The following DOCK4 variants were observed in gnomAD, a reference collection of about 807,000 sequenced individuals.
The protein encoded by DOCK4 is dedicator of cytokinesis protein 4.
Under a neutral mutation model 268.1 loss-of-function variants are expected in DOCK4, and 97 were observed. The observed-to-expected ratio is 0.36, with a 90% CI of 0.31 to 0.43. DOCK4 has a LOEUF of 0.43. DOCK4 is among the 20% of genes least tolerant of loss of function. The pLI, the probability that DOCK4 is intolerant of heterozygous loss-of-function variation, is 1.00. For missense variants in DOCK4, 2,145 were observed against 2,455.7 expected (o/e 0.87, Z 2.67); for synonymous variants, 954 against 887.2 (o/e 1.08, Z -1.34).
At position 112,038,347 on chromosome 7, in the gene DOCK4, T is replaced by C. The variant is rs566396073; in HGVS notation, c.38-34216A>G. On this transcript the variant is annotated intron_variant, in intron 1 of 52. Coordinates refer to ENST00000428084, the MANE Select transcript of DOCK4 (RefSeq NM_001363540.2). ...ATAAATGTGCACAGAGGAAAAAATA[T>C]GGAGTTGAGGTCAAAGTGCTTTTGA... Among the ~76,000 whole-genome samples, 4 of 152,348 alleles carry C rather than the reference T, an allele frequency of 2.6e-5. No individual in the cohort carries two copies. The South Asian group carries it at 8.3e-4, about 32-fold the overall frequency.
chr7:112,132,736 G>A (rs1158426295), intron 1 of DOCK4, among the ~76,000 whole-genome samples: 1 of 152,160 alleles, frequency 6.6e-6, no homozygotes, highest in Non-Finnish European at 1.5e-5. Context: ...GAGGGAACAT[G>A]GGACACATGC....
At chr7:111,915,673 G>T in intron 13 of DOCK4, 106 bp downstream of exon 13, 1 of 1,132,658 alleles carries the variant, frequency 8.8e-7, no homozygotes, top group Non-Finnish European at 1.2e-6. Flanking sequence ...TCTTCAGCAT[G>T]GCCCATGTGA....
chr7:111,739,019 G>T, intron 49 of DOCK4, 115 bp downstream of exon 49: 4 of 768,056 alleles, frequency 5.2e-6, no homozygotes, highest in Non-Finnish European at 8.8e-6. Context: ...CAGCTGGATT[G>T]GTCTGACACT....
rs931813159 is a variant in DOCK4, at chr7:111,951,867, C to CA, written c.702-6070dup. 1.6e-4 allele frequency among the ~76,000 whole-genome samples: 24 copies of CA among 150,376 alleles called. 1 individual carries two copies. The highest frequency in any genetic ancestry group is 5.9e-5 in the Non-Finnish European group (4 of 67,610). Reference sequence around the variant, plus strand: ...GTACTCCAGGGGTAAGACCTTGTCTCAAAAAAAAGAAAGAAATGGACAAAG... The same window carrying CA: ...GTACTCCAGGGGTAAGACCTTGTCTCAAAAAAAAAGAAAGAAATGGACAAAG... On this transcript the variant is annotated intron_variant, in intron 8 of 52. Coordinates refer to ENST00000428084, the MANE Select transcript of DOCK4 (RefSeq NM_001363540.2).
At chr7:111,995,097 T>C (rs1338128504) in intron 4 of DOCK4, among the ~76,000 whole-genome samples, 9 of 151,592 alleles carry the variant, frequency 5.9e-5, no homozygotes, top group African/African-American at 2.2e-4. Flanking sequence ...AGTGGCGCGA[T>C]CTCGGCTCAC....
chr7:112,053,869 T>C (rs956459983), intron 1 of DOCK4, among the ~76,000 whole-genome samples: 20 of 152,164 alleles, frequency 1.3e-4, no homozygotes, highest in Non-Finnish European at 2.6e-4. Context: ...CAAATGAAGA[T>C]AGGAGCTGTT....
intron 39 of DOCK4, among the ~76,000 whole-genome samples, chr7:111,762,684 T>C (rs142224571): frequency 2.0e-5 from 3 of 151,948 alleles, no homozygotes; most frequent in Non-Finnish European, 2.9e-5. Flanking sequence ...AATATATATT[T>C]TCAATTTTCT....
chr7:112,177,667 T>G (rs1169367562), intron 1 of DOCK4, among the ~76,000 whole-genome samples: 2 of 152,226 alleles, frequency 1.3e-5, no homozygotes, highest in Non-Finnish European at 2.9e-5. Flanking sequence ...TGACTGGTTT[T>G]GCACAACTAC....
intron 8 of DOCK4, among the ~76,000 whole-genome samples, chr7:111,970,517 A>G (rs1352043576): frequency 1.3e-5 from 2 of 152,224 alleles, no homozygotes; most frequent in Non-Finnish European, 2.9e-5. Flanking sequence ...TGATTTGCAG[A>G]GAAATGATTC....
At chr7:111,994,099 T>C (rs1181542528) in intron 5 of DOCK4, 36 bp downstream of exon 5, 11 of 1,387,844 alleles carry the variant, frequency 7.9e-6, no homozygotes, top group Non-Finnish European at 1.0e-5. Context: ...AACAATTCTT[T>C]ACCCGAAAAA....
intron 1 of DOCK4, among the ~76,000 whole-genome samples, chr7:112,077,776 T>A (rs1217691908): frequency 6.6e-6 from 1 of 152,166 alleles, no homozygotes; most frequent in Non-Finnish European, 1.5e-5. Context: ...CACTTGTAAT[T>A]TTCTGAATAA....
intron 1 of DOCK4, among the ~76,000 whole-genome samples, chr7:112,047,033 GA>G (rs1044097263): frequency 2.0e-5 from 3 of 152,198 alleles, no homozygotes; most frequent in Non-Finnish European, 4.4e-5. Context: ...TGACTCTGGG[GA>G]AAGAACCACT....
chr7:112,085,331 A>G (rs544862314), intron 1 of DOCK4, among the ~76,000 whole-genome samples: 2 of 152,252 alleles, frequency 1.3e-5, no homozygotes, highest in South Asian at 4.1e-4. Context: ...GGCTGTGTCA[A>G]AAAGAAACAG....
intron 32 of DOCK4, among the ~76,000 whole-genome samples, chr7:111,785,697 T>A (rs1169018234): frequency 6.6e-6 from 1 of 152,158 alleles, no homozygotes; most frequent in Non-Finnish European, 1.5e-5. Flanking sequence ...GAGGCTATCA[T>A]CAAGAAGAGA....
chr7:112,008,752 G>T (rs992640595), intron 1 of DOCK4, among the ~76,000 whole-genome samples: 1 of 152,242 alleles, frequency 6.6e-6, no homozygotes, highest in Non-Finnish European at 1.5e-5. Flanking sequence ...CCAGCACTTT[G>T]CGGGGCCGAG....
intron 1 of DOCK4, among the ~76,000 whole-genome samples, chr7:112,141,786 A>G (rs949768554): frequency 2.0e-5 from 3 of 152,190 alleles, no homozygotes; most frequent in Admixed American, 6.5e-5. Flanking sequence ...GACAATGAAC[A>G]GCCTGCCTCA....
At chr7:112,000,034 T>C (rs1190375465) in intron 3 of DOCK4, among the ~76,000 whole-genome samples, 1 of 152,114 alleles carries the variant, frequency 6.6e-6, no homozygotes, top group East Asian at 1.9e-4. Context: ...TTTTTAATAA[T>C]ATTGTTTTCC....
chr7:111,924,531 T>C (rs1440006137), intron 12 of DOCK4, among the ~76,000 whole-genome samples: 2 of 152,178 alleles, frequency 1.3e-5, no homozygotes, highest in Non-Finnish European at 2.9e-5. Flanking sequence ...AGATGTGATA[T>C]AAGTTTCACC....
intron 41 of DOCK4, 133 bp from the exon 42 acceptor site, chr7:111,755,734 A>G: frequency 1.4e-6 from 1 of 739,566 alleles, no homozygotes; most frequent in Non-Finnish European, 2.3e-6. Context: ...TCATTCAAGC[A>G]CTCATGAAAC....
Sources: gnomAD v4.1 joint callset for allele counts (sites outside exome capture counted in the v4.1 genomes callset) on GRCh38, gnomAD v4.1.1 for gene constraint, MANE v1.5 for transcripts, NCBI Gene and HGNC (gene_info 2026-07-23, HGNC 2026-07-21) for gene names.